The following TTC28 variants were observed in gnomAD, a reference collection of about 807,000 sequenced individuals.
TTC28 encodes tetratricopeptide repeat protein 28.
TTC28 carries 61 observed loss-of-function variants against 198.0 expected under a neutral mutation model. The observed-to-expected ratio is 0.31, with a 90% CI of 0.25 to 0.38. TTC28 has a LOEUF of 0.38. Ranked by LOEUF, TTC28 falls within the 10% of genes least tolerant of loss-of-function variation. TTC28 has a pLI of 1.00. For synonymous variants in TTC28, 1,171 were observed against 1,297.8 expected, an observed-to-expected ratio of 0.90 and a Z score of 2.10; for missense variants, 2,678 against 3,164.0, an observed-to-expected ratio of 0.85 and a Z score of 3.69.
intron 5 of TTC28, among the ~76,000 whole-genome samples, chr22:28,268,374 A>G (rs1351099153): frequency 6.6e-6 from 1 of 152,306 alleles, no homozygotes; most frequent in African/African-American, 2.4e-5. Context: ...GTGCCAACAA[A>G]TGTCCTTTTA....
intron 2 of TTC28, among the ~76,000 whole-genome samples, chr22:28,526,080 G>C (rs181622746): frequency 6.6e-6 from 1 of 152,120 alleles, no homozygotes; most frequent in African/African-American, 2.4e-5. Context: ...CTGTAAGTAC[G>C]GGACGGGGCT....
chr22:28,555,216 G>C (rs1226464130), intron 2 of TTC28, among the ~76,000 whole-genome samples: 2 of 152,208 alleles, frequency 1.3e-5, no homozygotes, highest in African/African-American at 4.8e-5. Flanking sequence ...TGGATGTAGT[G>C]AAAAGGGACC....
At chr22:28,049,803 A>G (rs896347618) in intron 12 of TTC28, among the ~76,000 whole-genome samples, 1 of 151,984 alleles carries the variant, frequency 6.6e-6, no homozygotes, top group African/African-American at 2.4e-5. Context: ...TTGGCACATG[A>G]GAGCTGTGTA....
intron 5 of TTC28, among the ~76,000 whole-genome samples, chr22:28,196,904 A>C (rs1475754340): frequency 6.6e-6 from 1 of 152,132 alleles, no homozygotes; most frequent in African/African-American, 2.4e-5. Context: ...CATTTGACCC[A>C]ACCATTCCAT....
chr22:28,237,130 T>C (rs1601516202), intron 5 of TTC28, among the ~76,000 whole-genome samples: 3 of 152,314 alleles, frequency 2.0e-5, no homozygotes, highest in East Asian at 1.9e-4. Flanking sequence ...TTCTTGTTCA[T>C]GTGCTCTCGC....
chr22:28,202,319 T>TCC (rs1926031835), intron 5 of TTC28, among the ~76,000 whole-genome samples: 2 of 152,068 alleles, frequency 1.3e-5, no homozygotes, highest in Non-Finnish European at 2.9e-5. Context: ...GGAGGATTAC[T>TCC]TGAGGTCAGG....
At chr22:28,255,646 A>G (rs887748472) in intron 5 of TTC28, among the ~76,000 whole-genome samples, 6 of 151,168 alleles carry the variant, frequency 4.0e-5, no homozygotes, top group Non-Finnish European at 8.8e-5. Flanking sequence ...GTGCCATTAC[A>G]TTCCAGCCTG....
intron 2 of TTC28, among the ~76,000 whole-genome samples, chr22:28,625,207 A>C (rs910895773): frequency 6.6e-6 from 1 of 152,202 alleles, no homozygotes; most frequent in Non-Finnish European, 1.5e-5. Flanking sequence ...CCAGCGCAAT[A>C]GAGCAAAAAG....
At chr22:28,460,821 C>A (rs1265066375) in intron 2 of TTC28, among the ~76,000 whole-genome samples, 1 of 151,894 alleles carries the variant, frequency 6.6e-6, no homozygotes, top group Non-Finnish European at 1.5e-5. Flanking sequence ...GTGGCTGGGA[C>A]CACAGGTGTG....
rs970324098 is a variant in TTC28 at position 28,211,609 on chromosome 22, C to A, written c.934-48010G>T. On this transcript the variant is annotated intron_variant, in intron 5 of 22. Transcript: ENST00000397906. ...ATCCTAAATATATATGCACCCAATA[C>A]AGGAGCACCCAGATTCATAAAGCAA... is the stretch of plus-strand genomic sequence containing the variant. 8.5e-5 allele frequency among the ~76,000 whole-genome samples: 13 copies of A among 152,250 alleles called. 1 individual carries two copies. Among genetic ancestry groups the A allele is most frequent in the Non-Finnish European group, 5.9e-5 (4 of 68,006 alleles).
At chr22:28,074,749 C>T (rs913314203) in intron 12 of TTC28, among the ~76,000 whole-genome samples, 1 of 152,186 alleles carries the variant, frequency 6.6e-6, no homozygotes, top group African/African-American at 2.4e-5. Flanking sequence ...CAGATTATCC[C>T]CCCCCATGTA....
chr22:28,573,365 A>G (rs2346867), intron 2 of TTC28, among the ~76,000 whole-genome samples: 32,917 of 150,706 alleles, frequency 0.22, 3,796 homozygotes, highest in Non-Finnish European at 0.25. Flanking sequence ...GAGGCAGGAG[A>G]ATCACTTGAA....
chr22:28,633,022 G>A (rs951220758), intron 1 of TTC28, among the ~76,000 whole-genome samples: 4 of 151,964 alleles, frequency 2.6e-5, no homozygotes, highest in African/African-American at 9.7e-5. Context: ...GCTCACACCT[G>A]TAATCCCAGC....
chr22:28,638,066 CA>C (rs1191156006), intron 1 of TTC28, among the ~76,000 whole-genome samples: 3 of 152,014 alleles, frequency 2.0e-5, no homozygotes, highest in Non-Finnish European at 2.9e-5. Flanking sequence ...CAAATATTAA[CA>C]AATCTGAAGG....
At chr22:28,298,483 C>T (rs902534438) in intron 3 of TTC28, among the ~76,000 whole-genome samples, 6 of 152,014 alleles carry the variant, frequency 3.9e-5, no homozygotes, top group East Asian at 1.9e-4. Flanking sequence ...GGTCTTGCTC[C>T]GTCACCCAGG....
chr22:28,254,129 A>C (rs1930719690), intron 5 of TTC28, among the ~76,000 whole-genome samples: 1 of 151,886 alleles, frequency 6.6e-6, no homozygotes, highest in Non-Finnish European at 1.5e-5. Flanking sequence ...GAAAAAAAAG[A>C]ATCTGAGTTT....
chr22:28,101,515 C>T (rs565872682), intron 8 of TTC28, among the ~76,000 whole-genome samples: 9 of 152,246 alleles, frequency 5.9e-5, no homozygotes, highest in Non-Finnish European at 1.2e-4. Context: ...CGGGCCACCA[C>T]AACCCGGCTG....
At chr22:28,262,746 C>T (rs891355695) in intron 5 of TTC28, among the ~76,000 whole-genome samples, 2 of 152,088 alleles carry the variant, frequency 1.3e-5, no homozygotes, top group African/African-American at 4.8e-5. Context: ...TCATTTATTA[C>T]ATACATAAAG....
intron 6 of TTC28, among the ~76,000 whole-genome samples, chr22:28,115,483 A>C (rs1942605197): frequency 6.6e-6 from 1 of 152,216 alleles, no homozygotes; most frequent in African/African-American, 2.4e-5. Flanking sequence ...TGCTGTGGCA[A>C]ACCAAGCTCT....
Sources: allele counts gnomAD v4.1 joint callset (sites outside exome capture counted in the v4.1 genomes callset), GRCh38; gene constraint gnomAD v4.1.1; transcripts MANE v1.5; gene names NCBI Gene and HGNC (gene_info 2026-07-23, HGNC 2026-07-21).